Variants in HPSE2 observed in about 807,000 individuals in gnomAD.
The protein encoded by HPSE2 is heparanase 2 (inactive), also known as inactive heparanase-2.
A neutral mutation model predicts 60.5 loss-of-function variants in HPSE2; 38 were observed. The ratio of observed to expected loss-of-function variants is 0.63; its 90% CI spans 0.48 to 0.82. The LOEUF (loss-of-function observed/expected upper bound fraction) is 0.82, where lower values mean the gene tolerates loss of function less well. HPSE2 is among the 40% of genes least tolerant of loss of function. HPSE2 has a pLI of 0.00. For missense variants in HPSE2, 713 were observed against 740.4 expected (o/e 0.96, Z 0.43); for synonymous variants, 295 against 293.2 (o/e 1.01, Z -0.06).
intron 3 of HPSE2, among the ~76,000 whole-genome samples, chr10:99,050,674 T>C (rs569860980): frequency 6.6e-6 from 1 of 151,902 alleles, no homozygotes; most frequent in African/African-American, 2.4e-5. Flanking sequence ...TAGAAAAAAT[T>C]AGCCATTTAA....
chr10:98,489,750 T>A (rs757496883), intron 10 of HPSE2, among the ~76,000 whole-genome samples: 1 of 152,188 alleles, frequency 6.6e-6, no homozygotes, highest in Non-Finnish European at 1.5e-5. Flanking sequence ...GGGCATTACA[T>A]CAACTGGCAC....
At chr10:98,469,457 G>A (rs1266464472) in intron 11 of HPSE2, among the ~76,000 whole-genome samples, 1 of 152,172 alleles carries the variant, frequency 6.6e-6, no homozygotes, top group Non-Finnish European at 1.5e-5. Flanking sequence ...TACAAGTAGT[G>A]TTTAAGGGGC....
intron 11 of HPSE2, among the ~76,000 whole-genome samples, chr10:98,471,643 G>T (rs539574436): frequency 1.3e-5 from 2 of 151,950 alleles, no homozygotes; most frequent in African/African-American, 2.4e-5. Flanking sequence ...CTGCTTCGCT[G>T]GATGTCTTGC....
At position 99,213,972 on chromosome 10, in the gene HPSE2, T is replaced by C. The variant is rs142422725; in HGVS notation, c.448+18376A>G. On this transcript the variant is annotated intron_variant, in intron 2 of 11. Transcript: ENST00000370552. ...AATCATATGTTTGATAAAGGACTTA[T>C]ATCTAGAATATATGAAAAACTCTTA... 2.6e-3 allele frequency among the ~76,000 whole-genome samples: 389 copies of C among 152,336 alleles called. 2 individuals carry two copies. The highest frequency in any genetic ancestry group is 8.8e-3 in the African/African-American group (366 of 41,590).
In HPSE2 at chr10:98,620,617, T is replaced by G; in HGVS notation, c.1190A>C (p.Tyr397Ser). The G allele has an allele frequency of 6.2e-7, 1 of 1,613,878 alleles. No individual in the cohort carries two copies. Among genetic ancestry groups the G allele is most frequent in the Non-Finnish European group, 8.5e-7 (1 of 1,179,778 alleles). The change falls in exon 8 of 12, where the codon TAT (tyrosine) becomes TCT (serine). Residue 397 changes from tyrosine (Y) to serine (S), a missense_variant. By Grantham distance (144) the Tyr-to-Ser change is moderately radical. Transcript: ENST00000370552. ...AGGTNNLSDSYAAGFLWLNTL... is the reference protein window; with the variant it reads ...AGGTNNLSDSSAAGFLWLNTL... ...TGTTACTCACAAGAATCCTGCAGCA[T>G]AGGAATCGGATAGATTGTTTGTGCC...
chr10:98,555,500 C>T (rs1225094240), intron 9 of HPSE2, among the ~76,000 whole-genome samples: 1 of 152,184 alleles, frequency 6.6e-6, no homozygotes, highest in Non-Finnish European at 1.5e-5. Flanking sequence ...TACTTTGGCA[C>T]AGTCTGGCTC....
the HPSE2 span, among the ~76,000 whole-genome samples, chr10:99,311,364 A>T: frequency 6.6e-6 from 1 of 152,198 alleles, no homozygotes; most frequent in Non-Finnish European, 1.5e-5. Context: ...ATCCTGCATT[A>T]ATGCCATTTT....
At chr10:99,218,354 T>G (rs961115253) in intron 2 of HPSE2, among the ~76,000 whole-genome samples, 1 of 151,702 alleles carries the variant, frequency 6.6e-6, no homozygotes, top group South Asian at 2.1e-4. Context: ...TGGGGGAGCA[T>G]AGTTTCAACA....
chr10:98,515,138 C>T (rs940955118), intron 9 of HPSE2, among the ~76,000 whole-genome samples: 1 of 152,136 alleles, frequency 6.6e-6, no homozygotes, highest in African/African-American at 2.4e-5. Context: ...GTCAAGCCGA[C>T]TGAGAGTGGC....
At chr10:98,939,447 AAC>A (rs1266489509) in intron 3 of HPSE2, among the ~76,000 whole-genome samples, 3 of 143,318 alleles carry the variant, frequency 2.1e-5, no homozygotes, top group Non-Finnish European at 4.5e-5. Context: ...TCTCTCATAA[AAC>A]AGACTTTAAA....
the HPSE2 span, among the ~76,000 whole-genome samples, chr10:99,245,438 T>C: frequency 1.3e-5 from 2 of 152,232 alleles, no homozygotes; most frequent in South Asian, 2.1e-4. Flanking sequence ...AAAAAAATTA[T>C]TGGAATCTAT....
At chr10:99,037,024 T>A (rs1412294505) in intron 3 of HPSE2, among the ~76,000 whole-genome samples, 2 of 152,162 alleles carry the variant, frequency 1.3e-5, no homozygotes, top group South Asian at 2.1e-4. Context: ...TTATGTACCC[T>A]CTGAAATGAT....
intron 2 of HPSE2, among the ~76,000 whole-genome samples, chr10:99,225,839 C>T (rs1337309725): frequency 2.0e-5 from 3 of 152,040 alleles, no homozygotes; most frequent in Admixed American, 2.0e-4. Flanking sequence ...ACCCAACCAA[C>T]ATTTTCTCTC....
chr10:99,095,858 G>A (rs1394193059), intron 3 of HPSE2, among the ~76,000 whole-genome samples: 1 of 152,068 alleles, frequency 6.6e-6, no homozygotes, highest in Non-Finnish European at 1.5e-5. Context: ...GTTTTTGTGT[G>A]GACATCCTGG....
intron 2 of HPSE2, among the ~76,000 whole-genome samples, chr10:99,171,299 A>G (rs773207720): frequency 4.6e-5 from 7 of 152,234 alleles, no homozygotes; most frequent in Non-Finnish European, 8.8e-5. Context: ...ATTGGGTAGA[A>G]TATCGCACTA....
chr10:99,109,136 A>C (rs1173612627), intron 3 of HPSE2, among the ~76,000 whole-genome samples: 2 of 152,184 alleles, frequency 1.3e-5, no homozygotes, highest in Non-Finnish European at 2.9e-5. Context: ...TCAAGTCTTT[A>C]ATTGTATAAC....
intron 3 of HPSE2, among the ~76,000 whole-genome samples, chr10:99,071,677 T>C (rs764276998): frequency 6.6e-6 from 1 of 152,258 alleles, no homozygotes; most frequent in Non-Finnish European, 1.5e-5. Context: ...CTATGTTTTA[T>C]CCTAGTGGTT....
At chr10:98,982,335 TACAC>T (rs1956226776) in intron 3 of HPSE2, among the ~76,000 whole-genome samples, 1 of 152,098 alleles carries the variant, frequency 6.6e-6, no homozygotes, top group Non-Finnish European at 1.5e-5. Flanking sequence ...TTTCAAAACA[TACAC>T]ACACAACACA....
chr10:98,567,971 G>A (rs1314370862), intron 9 of HPSE2, among the ~76,000 whole-genome samples: 2 of 152,192 alleles, frequency 1.3e-5, no homozygotes, highest in Non-Finnish European at 2.9e-5. Flanking sequence ...CTGGGATCAA[G>A]CATGCCAGAT....
Sources: allele counts gnomAD v4.1 joint callset (sites outside exome capture counted in the v4.1 genomes callset), GRCh38; gene constraint gnomAD v4.1.1; transcripts MANE v1.5; gene names NCBI Gene and HGNC (gene_info 2026-07-23, HGNC 2026-07-21).